PDE7B: variants seen among roughly 807,000 people sequenced by gnomAD.
PDE7B encodes the protein phosphodiesterase 7B.
Under a neutral mutation model 56.2 loss-of-function variants are expected in PDE7B, and 29 were observed. That is an observed-to-expected ratio of 0.52 (90% CI 0.38 to 0.70). The LOEUF (loss-of-function observed/expected upper bound fraction) is 0.70. PDE7B is among the 30% of genes least tolerant of loss of function. The probability of loss-of-function intolerance (pLI) is 0.00; values close to 1 mark genes in which losing one functional copy is unlikely to be tolerated. For synonymous variants in PDE7B, 197 were observed against 196.9 expected, an observed-to-expected ratio of 1.00 and a Z score of 0.00; for missense variants, 490 against 565.0, an observed-to-expected ratio of 0.87 and a Z score of 1.35.
chr6:135,943,187 A>T (rs1038796802), intron 1 of PDE7B, among the ~76,000 whole-genome samples: 2 of 152,224 alleles, frequency 1.3e-5, no homozygotes, highest in South Asian at 4.1e-4. Flanking sequence ...TCTTATCGAC[A>T]ATAATTTAAA....
intron 2 of PDE7B, among the ~76,000 whole-genome samples, chr6:135,984,990 G>A (rs1370871585): frequency 6.6e-6 from 1 of 152,010 alleles, no homozygotes; most frequent in African/African-American, 2.4e-5. Context: ...AGAGAGAATG[G>A]GAAGAACTGT....
At chr6:136,001,290 C>T (rs1054158282) in intron 2 of PDE7B, among the ~76,000 whole-genome samples, 8 of 151,008 alleles carry the variant, frequency 5.3e-5, no homozygotes, top group African/African-American at 1.9e-4. Flanking sequence ...AAAAGCAGAG[C>T]ACCTCTCCTC....
intron 2 of PDE7B, among the ~76,000 whole-genome samples, chr6:135,966,362 T>C (rs1041325668): frequency 6.6e-6 from 1 of 151,846 alleles, no homozygotes; most frequent in African/African-American, 2.4e-5. Flanking sequence ...AATGGCTTAC[T>C]CAGGAAACTA....
At chr6:136,141,941 TG>T (rs1018255424) in intron 3 of PDE7B, among the ~76,000 whole-genome samples, 1 of 116,252 alleles carries the variant, frequency 8.6e-6, no homozygotes, top group Non-Finnish European at 1.7e-5. Context: ...AAGGGTTTTT[TG>T]TATCTGTTTC....
At chr6:135,958,764 G>A (rs1774846405) in intron 2 of PDE7B, among the ~76,000 whole-genome samples, 1 of 151,968 alleles carries the variant, frequency 6.6e-6, no homozygotes, top group Non-Finnish European at 1.5e-5. Flanking sequence ...TTCTTACCAG[G>A]AGATCCATTC....
chr6:136,121,838 G>A (rs974025074), intron 3 of PDE7B, among the ~76,000 whole-genome samples: 2 of 152,146 alleles, frequency 1.3e-5, no homozygotes, highest in African/African-American at 2.4e-5. Flanking sequence ...CGTTTAAAGG[G>A]TGAGCACCTC....
chr6:136,026,971 G>T (rs769401171), intron 2 of PDE7B, among the ~76,000 whole-genome samples: 1 of 152,162 alleles, frequency 6.6e-6, no homozygotes, highest in Non-Finnish European at 1.5e-5. Flanking sequence ...AAGTAATATG[G>T]ATATAATGGT....
chr6:135,855,195 T>C (rs960335971), intron 1 of PDE7B, among the ~76,000 whole-genome samples: 1 of 152,226 alleles, frequency 6.6e-6, no homozygotes, highest in African/African-American at 2.4e-5. Context: ...ATAGTATTCT[T>C]ATTCTCAACC....
chr6:135,851,827 T>A lies in PDE7B; in HGVS notation c.-172T>A. On this transcript the variant is annotated 5_prime_UTR_variant, in exon 1 of 13. In the 5' UTR this introduces an upstream ATG that the reference lacks. Transcript: ENST00000308191. ...TCTTTCTCGATCTCCTTGTGTGCTT[T>A]TGTGTTTCTTTATTTCTTTTCCTTT... The A allele has an allele frequency of 1.7e-6, 1 of 603,514 alleles. No individual in the cohort carries two copies. Among genetic ancestry groups the A allele is most frequent in the Non-Finnish European group, 2.9e-6 (1 of 339,170 alleles). 37.4% of individuals were successfully genotyped at this position (603,514 alleles called of 1,614,324 possible).
chr6:136,018,797 C>A (rs143728495), intron 2 of PDE7B, among the ~76,000 whole-genome samples: 2 of 151,516 alleles, frequency 1.3e-5, no homozygotes, highest in Non-Finnish European at 2.9e-5. Context: ...TATACATATA[C>A]GTGTGTGTGT....
intron 1 of PDE7B, among the ~76,000 whole-genome samples, chr6:135,916,500 C>T (rs1773950233): frequency 7.1e-6 from 1 of 140,790 alleles, no homozygotes; most frequent in Admixed American, 7.6e-5. Flanking sequence ...TCAAGTGATT[C>T]TCCTGCCTCA....
intron 2 of PDE7B, among the ~76,000 whole-genome samples, chr6:135,956,913 C>T (rs946684672): frequency 4.6e-5 from 7 of 151,210 alleles, no homozygotes; most frequent in Admixed American, 1.3e-4. Flanking sequence ...AAGGAAGGAA[C>T]GAAAAGAAAA....
chr6:135,879,940 T>G (rs1466772573), intron 1 of PDE7B, among the ~76,000 whole-genome samples: 6 of 152,192 alleles, frequency 3.9e-5, no homozygotes, highest in Non-Finnish European at 7.3e-5. Flanking sequence ...TAAAATTATG[T>G]ATGTACATAA....
intron 8 of PDE7B, among the ~76,000 whole-genome samples, chr6:136,159,606 C>T (rs2128448367): frequency 6.6e-6 from 1 of 152,234 alleles, no homozygotes. Flanking sequence ...CATAGTGTTA[C>T]CAAGGAGACC....
intron 2 of PDE7B, among the ~76,000 whole-genome samples, chr6:136,014,952 T>G (rs1027126744): frequency 2.0e-5 from 3 of 152,192 alleles, no homozygotes; most frequent in Non-Finnish European, 4.4e-5. Flanking sequence ...AAATACCCTA[T>G]GAGAGCTGCA....
chr6:136,017,505 G>A (rs1441220878), intron 2 of PDE7B, among the ~76,000 whole-genome samples: 18 of 73,760 alleles, frequency 2.4e-4, no homozygotes, highest in African/African-American at 8.3e-4. Flanking sequence ...CCCACCCCAC[G>A]ACAGGCCCCG....
At chr6:135,893,445 C>T (rs1181160936) in intron 1 of PDE7B, among the ~76,000 whole-genome samples, 1 of 152,032 alleles carries the variant, frequency 6.6e-6, no homozygotes, top group Non-Finnish European at 1.5e-5. Context: ...ATATGTGCCA[C>T]ATTTTCTTAA....
chr6:135,907,177 G>A (rs1776131153), intron 1 of PDE7B, among the ~76,000 whole-genome samples: 1 of 152,068 alleles, frequency 6.6e-6, no homozygotes, highest in African/African-American at 2.4e-5. Context: ...TAAAATTCCT[G>A]GAGACCCTCC....
chr6:135,876,298 C>T (rs1329960144), intron 1 of PDE7B, among the ~76,000 whole-genome samples: 13 of 152,122 alleles, frequency 8.5e-5, no homozygotes, highest in Non-Finnish European at 1.6e-4. Context: ...CTGAGGCTGT[C>T]GGCTGTCAGC....
Sources: allele counts gnomAD v4.1 joint callset (sites outside exome capture counted in the v4.1 genomes callset), GRCh38; gene constraint gnomAD v4.1.1; transcripts MANE v1.5; gene names NCBI Gene and HGNC (gene_info 2026-07-23, HGNC 2026-07-21).